Variants in PTPRA observed in about 807,000 individuals in gnomAD.
PTPRA encodes receptor-type tyrosine-protein phosphatase alpha.
A neutral mutation model predicts 104.8 loss-of-function variants in PTPRA; 25 were observed. The observed-to-expected ratio is 0.24, with a 90% CI of 0.17 to 0.33. The LOEUF is 0.33. PTPRA is among the 10% of genes least tolerant of loss of function. PTPRA has a pLI of 1.00. For synonymous variants in PTPRA, 323 were observed against 368.9 expected (o/e 0.88, Z 1.43); for missense variants, 765 against 1,015.3 (o/e 0.75, Z 3.35).
intron 3 of PTPRA, among the ~76,000 whole-genome samples, chr20:2,959,563 A>G (rs2061670896): frequency 1.3e-5 from 2 of 152,086 alleles, no homozygotes; most frequent in African/African-American, 4.8e-5. Flanking sequence ...TTTAAAATAG[A>G]CTTTTTTTTT....
intron 6 of PTPRA, among the ~76,000 whole-genome samples, chr20:2,984,671 A>G (rs954349946): frequency 6.6e-6 from 1 of 152,098 alleles, no homozygotes; most frequent in African/African-American, 2.4e-5. Flanking sequence ...TAAATCCACA[A>G]TCATTACAAT....
intron 17 of PTPRA, among the ~76,000 whole-genome samples, chr20:3,025,017 G>A (rs1266255913): frequency 1.3e-5 from 2 of 152,132 alleles, no homozygotes; most frequent in Non-Finnish European, 2.9e-5. Flanking sequence ...TAATGAGTGT[G>A]GCTGTTTTAT....
At chr20:3,020,213 ATTC>A (rs1231906102) in intron 13 of PTPRA, among the ~76,000 whole-genome samples, 2 of 151,876 alleles carry the variant, frequency 1.3e-5, no homozygotes, top group Admixed American at 6.6e-5. Flanking sequence ...GGTTCACACC[ATTC>A]TTCTGCCTCA....
chr20:2,999,968 A>G (rs1489861988), intron 9 of PTPRA, among the ~76,000 whole-genome samples: 1 of 152,198 alleles, frequency 6.6e-6, no homozygotes, highest in Non-Finnish European at 1.5e-5. Flanking sequence ...TCCAGAATAT[A>G]TAAAGAACTT....
intron 6 of PTPRA, among the ~76,000 whole-genome samples, chr20:2,985,942 C>T (rs963798988): frequency 2.6e-5 from 4 of 151,868 alleles, no homozygotes; most frequent in African/African-American, 9.7e-5. Context: ...CAGGGTCTTG[C>T]TCTGTTGCCC....
chr20:2,917,573 G>T (rs2059949679), intron 1 of PTPRA, among the ~76,000 whole-genome samples: 1 of 152,090 alleles, frequency 6.6e-6, no homozygotes, highest in South Asian at 2.1e-4. Flanking sequence ...CCTCTCTTAA[G>T]AACTTAGCTA....
At chr20:2,900,559 C>G (rs1210283877) in intron 1 of PTPRA, among the ~76,000 whole-genome samples, 1 of 152,024 alleles carries the variant, frequency 6.6e-6, no homozygotes, top group Non-Finnish European at 1.5e-5. Flanking sequence ...AACCTGTGAT[C>G]AAGAAAAGCT....
At chr20:2,892,326 T>C (rs910990032) in intron 1 of PTPRA, among the ~76,000 whole-genome samples, 3 of 150,714 alleles carry the variant, frequency 2.0e-5, no homozygotes, top group Admixed American at 1.3e-4. Flanking sequence ...GAGGGCCAAC[T>C]GTATGTAATT....
intron 1 of PTPRA, among the ~76,000 whole-genome samples, chr20:2,881,098 A>G (rs1265286040): frequency 3.9e-5 from 6 of 151,926 alleles, no homozygotes; most frequent in African/African-American, 1.5e-4. Flanking sequence ...CACAAGGTCA[A>G]GAGATCGAGA....
At chr20:2,987,869 C>T in intron 7 of PTPRA, 163 bp from the exon 8 acceptor site, 1 of 765,640 alleles carries the variant, frequency 1.3e-6, no homozygotes, top group Non-Finnish European at 2.4e-6. Flanking sequence ...TCGGTCACCC[C>T]AGCATGCTGC....
chr20:2,982,838 A>G (rs2062743225), intron 6 of PTPRA, among the ~76,000 whole-genome samples: 1 of 152,084 alleles, frequency 6.6e-6, no homozygotes, highest in Non-Finnish European at 1.5e-5. Context: ...CTGAGATTAC[A>G]GGCATGTGCC....
the PTPRA span, chr20:2,866,733 C>T: frequency 9.1e-7 from 1 of 1,102,146 alleles, no homozygotes; most frequent in Non-Finnish European, 1.3e-6. Context: ...GAACACTTCA[C>T]AGTGCTTGTC....
chr20:2,912,737 T>C (rs377764036), intron 1 of PTPRA, among the ~76,000 whole-genome samples: 3 of 152,234 alleles, frequency 2.0e-5, no homozygotes, highest in Non-Finnish European at 4.4e-5. Context: ...CCATTAGCCA[T>C]GTGTGCTACT....
At chr20:2,971,082 T>C (rs1351308072) in intron 5 of PTPRA, among the ~76,000 whole-genome samples, 1 of 152,224 alleles carries the variant, frequency 6.6e-6, no homozygotes, top group Non-Finnish European at 1.5e-5. Flanking sequence ...GTCTCAATAA[T>C]TGTAACTTTG....
intron 1 of PTPRA, among the ~76,000 whole-genome samples, chr20:2,919,566 C>T (rs556238805): frequency 3.3e-5 from 5 of 152,208 alleles, no homozygotes; most frequent in South Asian, 2.1e-4. Flanking sequence ...CTTTTAGAGA[C>T]GGGATCTTGC....
chr20:2,959,651 C>T (rs1421600706), intron 3 of PTPRA, among the ~76,000 whole-genome samples: 1 of 151,894 alleles, frequency 6.6e-6, no homozygotes, highest in Non-Finnish European at 1.5e-5. Context: ...CAAAATTGAT[C>T]AAAAAGTATG....
chr20:2,885,731 G>A (rs2090343199), intron 1 of PTPRA, among the ~76,000 whole-genome samples: 1 of 152,062 alleles, frequency 6.6e-6, no homozygotes, highest in South Asian at 2.1e-4. Context: ...TACTTCAAAT[G>A]AATGGCAAGA....
the PTPRA span, chr20:2,864,867 G>C: frequency 6.9e-7 from 1 of 1,454,162 alleles, no homozygotes; most frequent in Non-Finnish European, 9.6e-7. The surrounding 1 kb of genome is among the most constrained non-coding windows in gnomAD (Gnocchi z 5.2). Flanking sequence ...AGCAGGCAAG[G>C]CTGACCCTGG....
At chr20:3,032,244 C>T (rs548653466) in intron 20 of PTPRA, among the ~76,000 whole-genome samples, 4 of 152,228 alleles carry the variant, frequency 2.6e-5, no homozygotes, top group Non-Finnish European at 5.9e-5. Context: ...CTCAATCCAC[C>T]TGTCCACTGT....
Sources: allele counts gnomAD v4.1 joint callset (sites outside exome capture counted in the v4.1 genomes callset), GRCh38; gene constraint gnomAD v4.1.1; non-coding constraint Gnocchi (gnomAD v3.1); transcripts MANE v1.5; gene names NCBI Gene and HGNC (gene_info 2026-07-23, HGNC 2026-07-21).